KCND2: variants seen among roughly 807,000 people sequenced by gnomAD.
KCND2 encodes potassium voltage-gated channel subfamily D member 2, also known as A-type voltage-gated potassium channel KCND2.
A neutral mutation model predicts 54.4 loss-of-function variants in KCND2; 16 were observed. The ratio of observed to expected loss-of-function variants is 0.29; its 90% CI spans 0.20 to 0.45. The LOEUF is 0.45. Among genes scored for constraint, KCND2 ranks in the 20% least tolerant of loss-of-function variants. The pLI is 1.00. For missense variants in KCND2, 486 were observed against 824.2 expected (o/e 0.59, Z 5.02); for synonymous variants, 317 against 310.7 (o/e 1.02, Z -0.21).
Position 120,742,609 on chromosome 7 carries a change from A to T in KCND2, c.1467+7A>T. The T allele has an allele frequency of 1.2e-6, 2 of 1,608,372 alleles. No individual in the cohort carries two copies. The highest frequency in any genetic ancestry group is 8.5e-7 in the Non-Finnish European group (1 of 1,174,980). ...CTGCCTGGAAAAAACCACGGTAAGG[A>T]GACAGCATGACTGCCTTCCCTTGCT... On this transcript the variant is annotated splice_region_variant and intron_variant, in intron 4 of 5. Transcript: ENST00000331113.
At chr7:120,492,655 G>A (rs928082001) in intron 1 of KCND2, among the ~76,000 whole-genome samples, 5 of 151,940 alleles carry the variant, frequency 3.3e-5, no homozygotes, top group Admixed American at 6.6e-5. Flanking sequence ...CACTACAGAT[G>A]CTCCTCAGCT....
chr7:120,408,486 C>T (rs1268767945), intron 1 of KCND2, among the ~76,000 whole-genome samples: 2 of 151,830 alleles, frequency 1.3e-5, no homozygotes, highest in African/African-American at 4.8e-5. Flanking sequence ...AATGCCTACA[C>T]AGACCATATA....
intron 1 of KCND2, among the ~76,000 whole-genome samples, chr7:120,434,669 A>G (rs548334852): frequency 4.8e-4 from 73 of 152,340 alleles, no homozygotes; most frequent in African/African-American, 1.6e-3. Flanking sequence ...AAGAACTTCT[A>G]TTCTGGTTGG....
At position 120,531,341 on chromosome 7, in the gene KCND2, TC is replaced by T. The variant is rs201983623; in HGVS notation, c.1116-201559del. ...ACTAACCTGCCTTTACCCATGCACT[TC>T]CCTATTACTCTTTCAATAGATGAAC... On this transcript the variant is annotated intron_variant, in intron 1 of 5. Transcript: ENST00000331113. 5.2e-4 allele frequency among the ~76,000 whole-genome samples: 79 copies of T among 152,174 alleles called. No homozygotes were observed. In the East Asian group the frequency reaches 0.015, roughly 29 times the overall value.
intron 1 of KCND2, among the ~76,000 whole-genome samples, chr7:120,520,151 G>T (rs1214469807): frequency 6.6e-6 from 1 of 151,924 alleles, no homozygotes; most frequent in Non-Finnish European, 1.5e-5. Flanking sequence ...ATCATGAAAG[G>T]AAAGCACTTG....
chr7:120,516,983 A>C (rs1245377656), intron 1 of KCND2, among the ~76,000 whole-genome samples: 1 of 152,162 alleles, frequency 6.6e-6, no homozygotes, highest in Non-Finnish European at 1.5e-5. Flanking sequence ...TATATTGTCA[A>C]AATTTTATTT....
chr7:120,420,371 G>A (rs185639431), intron 1 of KCND2, among the ~76,000 whole-genome samples: 1 of 152,308 alleles, frequency 6.6e-6, no homozygotes, highest in East Asian at 1.9e-4. Flanking sequence ...AGGCTCAATA[G>A]AGCAGTGCCT....
chr7:120,691,964 G>T (rs1210298592), intron 1 of KCND2, among the ~76,000 whole-genome samples: 2 of 152,098 alleles, frequency 1.3e-5, no homozygotes, highest in Non-Finnish European at 2.9e-5. Flanking sequence ...TCAAATTCTG[G>T]GTCAAGGGAG....
chr7:120,297,353 TC>T (rs1799527043), intron 1 of KCND2, among the ~76,000 whole-genome samples: 1 of 152,150 alleles, frequency 6.6e-6, no homozygotes, highest in Non-Finnish European at 1.5e-5. Flanking sequence ...AATAATGACC[TC>T]CACTTACATC....
chr7:120,461,575 T>C (rs1802284343), intron 1 of KCND2, among the ~76,000 whole-genome samples: 2 of 152,122 alleles, frequency 1.3e-5, no homozygotes, highest in South Asian at 4.1e-4. Context: ...ATTTGAGACA[T>C]TTAGGGATGC....
intron 1 of KCND2, among the ~76,000 whole-genome samples, chr7:120,425,876 C>T (rs1027259033): frequency 2.0e-5 from 3 of 152,016 alleles, no homozygotes; most frequent in African/African-American, 7.2e-5. Flanking sequence ...GTTTTAATTT[C>T]CTCTTACATT....
chr7:120,440,137 C>T (rs1801927026), intron 1 of KCND2, among the ~76,000 whole-genome samples: 1 of 151,958 alleles, frequency 6.6e-6, no homozygotes, highest in Non-Finnish European at 1.5e-5. Flanking sequence ...TCCTATTTCT[C>T]CACGCTCTCA....
chr7:120,548,823 G>A (rs1169825423), intron 1 of KCND2, among the ~76,000 whole-genome samples: 3 of 152,080 alleles, frequency 2.0e-5, no homozygotes, highest in Admixed American at 6.6e-5. Context: ...CGTATCCATG[G>A]CTGATGAAGA....
intron 1 of KCND2, among the ~76,000 whole-genome samples, chr7:120,564,259 G>T (rs1023459950): frequency 6.6e-6 from 1 of 152,104 alleles, no homozygotes; most frequent in Admixed American, 6.6e-5. Context: ...CACAGATAAA[G>T]CTGCTTTTAC....
chr7:120,610,913 C>T (rs1792946074), intron 1 of KCND2, among the ~76,000 whole-genome samples: 2 of 152,148 alleles, frequency 1.3e-5, no homozygotes, highest in Admixed American at 6.6e-5. Context: ...TTGTTCTCTT[C>T]ACCCACTTGG....
At chr7:120,359,040 C>T (rs1425342148) in intron 1 of KCND2, among the ~76,000 whole-genome samples, 3 of 152,150 alleles carry the variant, frequency 2.0e-5, no homozygotes, top group Non-Finnish European at 4.4e-5. Flanking sequence ...CCACAGGTGG[C>T]ATTCGTTGAT....
chr7:120,300,602 T>C (rs1426107900), intron 1 of KCND2, among the ~76,000 whole-genome samples: 1 of 152,156 alleles, frequency 6.6e-6, no homozygotes, highest in Non-Finnish European at 1.5e-5. Flanking sequence ...AATTATATTC[T>C]TGATTAAGTT....
chr7:120,313,432 A>G (rs1226429563), intron 1 of KCND2, among the ~76,000 whole-genome samples: 1 of 152,176 alleles, frequency 6.6e-6, no homozygotes, highest in Non-Finnish European at 1.5e-5. Flanking sequence ...TTTGTTATTC[A>G]ATTTTTTTGT....
intron 1 of KCND2, among the ~76,000 whole-genome samples, chr7:120,413,796 C>T (rs1801484895): frequency 6.6e-6 from 1 of 151,406 alleles, no homozygotes; most frequent in Admixed American, 6.6e-5. Flanking sequence ...TTCTTGTTGG[C>T]TGATTAACAT....
Sources: allele counts gnomAD v4.1 joint callset (sites outside exome capture counted in the v4.1 genomes callset), GRCh38; gene constraint gnomAD v4.1.1; transcripts MANE v1.5; gene names NCBI Gene and HGNC (gene_info 2026-07-23, HGNC 2026-07-21).